CLEC12A: variants seen among roughly 807,000 people sequenced by gnomAD.
CLEC12A encodes C-type lectin protein CLL-1.
A neutral mutation model predicts 26.5 loss-of-function variants in CLEC12A; 22 were observed. The observed-to-expected ratio is 0.83, with a 90% CI of 0.59 to 1.19. The LOEUF (loss-of-function observed/expected upper bound fraction) is 1.19, where lower values mean the gene tolerates loss of function less well. CLEC12A is among the 50% of genes most tolerant of loss of function. CLEC12A has a pLI of 0.00. For missense variants in CLEC12A, 353 were observed against 315.6 expected (o/e 1.12, Z -0.90); for synonymous variants, 119 against 101.9 (o/e 1.17, Z -1.01).
chr12:9,963,131 A>G (rs544318670), intron 1 of CLEC12A, among the ~76,000 whole-genome samples: 2 of 152,310 alleles, frequency 1.3e-5, no homozygotes, highest in South Asian at 4.1e-4. Context: ...ACTAAACAGA[A>G]TAAGAGAAGG....
chr12:9,966,707 G>T (rs1863962470), upstream of CLEC12A, among the ~76,000 whole-genome samples: 2 of 151,460 alleles, frequency 1.3e-5, no homozygotes, highest in African/African-American at 4.9e-5. Context: ...ACACTTTGAA[G>T]GCGAGGTTAA....
rs1015592346 is a variant in CLEC12A, at chr12:9,979,090, A to G, written c.190+26A>G. 11 of 1,541,100 alleles carry G rather than the reference A, an allele frequency of 7.1e-6. No homozygotes were observed. In the African/African-American group the frequency reaches 1.5e-4, roughly 21 times the overall value. ...GTATGTACTGCCCCTGTTTTTGTCA[A>G]GAGGAAGTATCTAGAATTTCAAATA... On this transcript the variant is annotated intron_variant, in intron 2 of 5. Transcript: ENST00000304361.
intron 4 of CLEC12A, chr12:9,990,995 G>C (rs1469025168): frequency 6.6e-6 from 1 of 152,162 alleles, no homozygotes; most frequent in Non-Finnish European, 1.5e-5. Context: ...ACATTTTCCA[G>C]ACATAATGCT....
chr12:9,983,445 C>T lies in CLEC12A; in HGVS notation c.641+1316C>T, dbSNP rs993563847. 88 of 680,712 alleles carry T rather than the reference C, an allele frequency of 1.3e-4. 2 individuals carry two copies. In the Middle Eastern group the frequency reaches 3.8e-3, roughly 30 times the overall value. 42.2% of individuals were successfully genotyped at this position (680,712 alleles called of 1,614,324 possible). A position where few individuals can be genotyped will look rare whatever the true frequency, so the allele number is the denominator to read the frequency against. The stretch of plus-strand genomic sequence containing the variant: ...GGATTTATACGTTGTATTTGTTCTG[C>T]TTATAATGGGAAAAAAAGTCTTTAC... On this transcript the variant is annotated intron_variant, in intron 5 of 5. Transcript: ENST00000304361.
chr12:9,989,418 A>C (rs1405579409), downstream of CLEC12A, among the ~76,000 whole-genome samples: 1 of 152,248 alleles, frequency 6.6e-6, no homozygotes. Context: ...AATAGTAAGA[A>C]AACAAGATAG....
chr12:9,969,548 C>G (rs1864053483), upstream of CLEC12A, among the ~76,000 whole-genome samples: 1 of 152,072 alleles, frequency 6.6e-6, no homozygotes, highest in Non-Finnish European at 1.5e-5. Context: ...AATAGAGTAC[C>G]TTGCAAACAG....
chr12:9,959,585 A>G lies in CLEC12A; in HGVS notation c.10+8229A>G, dbSNP rs1002079503. On this transcript the variant is annotated intron_variant, in intron 1 of 6. Coordinates refer to the CLEC12A transcript ENST00000355690. ...TGTGGCCTAGAATGTTTAATTGACT[A>G]TAAGTCTTTTTTGACTCTAAGTCCC... 1.5e-4 allele frequency among the ~76,000 whole-genome samples: 23 copies of G among 152,048 alleles called. 2 individuals carry two copies.
chr12:9,988,997 AT>A (rs1864832127), downstream of CLEC12A, among the ~76,000 whole-genome samples: 1 of 152,348 alleles, frequency 6.6e-6, no homozygotes, highest in South Asian at 2.1e-4. Flanking sequence ...GATTAAGAAA[AT>A]GTGGCACATA....
Position 9,979,019 on chromosome 12 carries a change from C to T in CLEC12A, c.145C>T (p.Leu49=), listed in dbSNP as rs928859050. 1 of 1,613,976 alleles carries T rather than the reference C, an allele frequency of 6.2e-7. No homozygotes were observed. Among genetic ancestry groups the T allele is most frequent in the Non-Finnish European group, 8.5e-7 (1 of 1,179,880 alleles). The change falls in exon 2 of 6, where the codon CTG becomes TTG. Residue 49 remains leucine (L), a synonymous_variant. Transcript: ENST00000304361. ...WRPAALFLTL[L]CLLLLIGLGV... ...TCCAGCAGCCTTGTTTCTGACTCTT[C>T]TGTGCCTTCTGTTGCTCATTGGATT...
chr12:9,963,978 C>G (rs648985), intron 1 of CLEC12A, among the ~76,000 whole-genome samples: 123,056 of 152,012 alleles, frequency 0.81, 50,898 homozygotes, highest in Middle Eastern at 0.89. Flanking sequence ...AAGTAAACAA[C>G]AAGAGGGCTT....
chr12:9,991,720 TTGAG>T (rs568794485), intron 4 of CLEC12A: 69 of 152,272 alleles, frequency 4.5e-4, no homozygotes, highest in African/African-American at 1.6e-3. Context: ...CACATATTTA[TTGAG>T]TATGTATTAC....
At chr12:9,973,582 A>C (rs7295302) in intron 1 of CLEC12A, among the ~76,000 whole-genome samples, 1,837 of 152,154 alleles carry the variant, frequency 0.012, 42 homozygotes, top group African/African-American at 0.041. Context: ...AAAATACACA[A>C]ATTTTCAACC....
intron 1 of CLEC12A, among the ~76,000 whole-genome samples, chr12:9,957,324 CTAAAAA>C (rs1429595793): frequency 6.6e-6 from 1 of 151,940 alleles, no homozygotes; most frequent in African/African-American, 2.4e-5. Flanking sequence ...CCCATCTCTA[CTAAAAA>C]TACAAAAATT....
intron 1 of CLEC12A, 77 bp from the exon 2 acceptor site, chr12:9,978,889 G>A: frequency 1.0e-6 from 1 of 1,002,706 alleles, no homozygotes. Context: ...TAAAATGAAT[G>A]AATGAATGAA....
chr12:9,970,568 C>G (rs1014179653), upstream of CLEC12A, among the ~76,000 whole-genome samples: 1 of 152,068 alleles, frequency 6.6e-6, no homozygotes, highest in Admixed American at 6.5e-5. Flanking sequence ...CATTCTTGAT[C>G]AAGAAGTGAA....
intron 1 of CLEC12A, among the ~76,000 whole-genome samples, chr12:9,964,883 G>A (rs554402916): frequency 6.6e-6 from 1 of 152,200 alleles, no homozygotes; most frequent in Non-Finnish European, 1.5e-5. Flanking sequence ...AGGGGTGAAT[G>A]TCAGGTGAAT....
chr12:9,979,295 A>C, intron 2 of CLEC12A, 41 bp from the exon 3 acceptor site: 1 of 1,417,500 alleles, frequency 7.1e-7, no homozygotes, highest in Non-Finnish European at 9.7e-7. Context: ...TGATGGCTCT[A>C]TTGAGAATTT....
At chr12:10,000,380 T>C (rs755354323), downstream of CLEC12A, among the ~76,000 whole-genome samples, 22 of 152,188 alleles carry the variant, frequency 1.4e-4, no homozygotes, top group Non-Finnish European at 2.9e-4. Context: ...CTCTATACTC[T>C]TCAAATTATT....
At chr12:9,954,833 A>G (rs183951483) in intron 1 of CLEC12A, among the ~76,000 whole-genome samples, 39 of 152,348 alleles carry the variant, frequency 2.6e-4, no homozygotes, top group African/African-American at 7.0e-4. Flanking sequence ...GAGCTTTTAG[A>G]TCATTTGTAA....
Sources: allele counts gnomAD v4.1 joint callset (sites outside exome capture counted in the v4.1 genomes callset), GRCh38; gene constraint gnomAD v4.1.1; transcripts MANE v1.5; gene names NCBI Gene and HGNC (gene_info 2026-07-23, HGNC 2026-07-21).